Variants in STXBP6 observed in about 807,000 individuals in gnomAD.
STXBP6 encodes the protein syntaxin-binding protein 6.
Under a neutral mutation model 26.9 loss-of-function variants are expected in STXBP6, and 21 were observed. The ratio of observed to expected loss-of-function variants is 0.78; its 90% CI spans 0.55 to 1.12. The LOEUF (loss-of-function observed/expected upper bound fraction) is 1.12, where lower values mean the gene tolerates loss of function less well. Ranked by LOEUF, STXBP6 falls within the 50% of genes most tolerant of loss-of-function variation. The pLI is 0.00. For missense variants in STXBP6, 232 were observed against 257.9 expected, an observed-to-expected ratio of 0.90 and a Z score of 0.69; for synonymous variants, 97 against 92.6, an observed-to-expected ratio of 1.05 and a Z score of -0.27.
chr14:25,030,151 T>C (rs1447882618), intron 1 of STXBP6, among the ~76,000 whole-genome samples: 1 of 152,218 alleles, frequency 6.6e-6, no homozygotes, highest in Non-Finnish European at 1.5e-5. Context: ...GCCAATTAGA[T>C]AGCATTGGGA....
intron 2 of STXBP6, among the ~76,000 whole-genome samples, chr14:24,932,540 A>C (rs767707284): frequency 6.6e-6 from 1 of 152,058 alleles, no homozygotes; most frequent in South Asian, 2.1e-4. Flanking sequence ...AAATAAATAA[A>C]ATAAAAATAT....
intron 2 of STXBP6, among the ~76,000 whole-genome samples, chr14:24,900,193 G>A (rs2071163004): frequency 6.6e-6 from 1 of 152,024 alleles, no homozygotes; most frequent in Non-Finnish European, 1.5e-5. Context: ...TATTTCTGTG[G>A]TCTACAGAGA....
chr14:24,951,612 C>T (rs2073173079), intron 2 of STXBP6, among the ~76,000 whole-genome samples: 1 of 152,100 alleles, frequency 6.6e-6, no homozygotes, highest in Admixed American at 6.6e-5. Flanking sequence ...AAAATATATT[C>T]TCTTACATAG....
At chr14:24,913,343 A>AATGTT in intron 2 of STXBP6, among the ~76,000 whole-genome samples, 2 of 152,340 alleles carry the variant, frequency 1.3e-5, no homozygotes, top group Admixed American at 1.3e-4. Flanking sequence ...GAGGATACTG[A>AATGTT]ATGTTCCTAA....
intron 1 of STXBP6, among the ~76,000 whole-genome samples, chr14:24,999,404 G>A (rs2074691952): frequency 6.6e-6 from 1 of 152,118 alleles, no homozygotes; most frequent in South Asian, 2.1e-4. Flanking sequence ...TCAGAGTGCT[G>A]AAAGAAAAGA....
intron 2 of STXBP6, among the ~76,000 whole-genome samples, chr14:24,883,723 T>C (rs2070459751): frequency 6.6e-6 from 1 of 152,052 alleles, no homozygotes; most frequent in Non-Finnish European, 1.5e-5. Context: ...GTCAGTAGAG[T>C]TTCCACTGTG....
chr14:24,915,314 G>A (rs762728094), intron 2 of STXBP6, among the ~76,000 whole-genome samples: 2 of 152,162 alleles, frequency 1.3e-5, no homozygotes, highest in Non-Finnish European at 2.9e-5. Flanking sequence ...AAGAGCCATA[G>A]TCAAACAGAT....
At chr14:24,857,299 T>A in intron 2 of STXBP6, 142 bp from the exon 3 acceptor site, 1 of 1,043,606 alleles carries the variant, frequency 9.6e-7, no homozygotes, top group Non-Finnish European at 1.4e-6. Context: ...GGAATATGAA[T>A]AAATATGTGT....
At chr14:24,971,914 T>C (rs1028257138) in intron 2 of STXBP6, among the ~76,000 whole-genome samples, 3 of 152,260 alleles carry the variant, frequency 2.0e-5, no homozygotes, top group Admixed American at 2.0e-4. Flanking sequence ...CATAGAATGC[T>C]TGGCACAGAA....
At position 25,000,109 on chromosome 14, in the gene STXBP6, C is replaced by T. The variant is rs564349221; in HGVS notation, c.-32-25259G>A. Among the ~76,000 whole-genome samples the T allele has an allele frequency of 2.2e-3, 330 of 151,836 alleles. 2 individuals carry two copies. The highest frequency in any genetic ancestry group is 3.5e-3 in the Non-Finnish European group (241 of 67,964). The stretch of plus-strand genomic sequence containing the variant: ...ACGGAGTCTTGCTCTACCACCCAGG[C>T]TGGAGTGCAGTGGCAGGATCTCGGC... On this transcript the variant is annotated intron_variant, in intron 1 of 5. Transcript: ENST00000323944.
Position 24,819,187 on chromosome 14 carries a change from G to A in STXBP6, c.459C>T (p.Ser153=). ...NCQSKIMGGN[S]ILHSAADSVT... is the part of the protein sequence containing the mutation. ...CGCTGTCAGCAGCTGAATGGAGGAT[G>A]CTGTTTCCTGAAAGGAGGAGAGCAG... The change falls in exon 5 of 6, where the codon AGC becomes AGT. Residue 153 remains serine, a synonymous_variant. Transcript: ENST00000323944. 4 of 1,614,072 alleles carry A rather than the reference G, an allele frequency of 2.5e-6. No individual in the cohort carries two copies. Among genetic ancestry groups the A allele is most frequent in the Non-Finnish European group, 3.4e-6 (4 of 1,180,018 alleles).
At chr14:24,928,131 G>A (rs140275791) in intron 2 of STXBP6, among the ~76,000 whole-genome samples, 3 of 152,094 alleles carry the variant, frequency 2.0e-5, no homozygotes, top group African/African-American at 4.8e-5. Flanking sequence ...AGCACCCTAC[G>A]AACTTCCTCT....
intron 4 of STXBP6, among the ~76,000 whole-genome samples, chr14:24,855,440 T>C (rs1433245085): frequency 6.6e-6 from 1 of 152,092 alleles, no homozygotes; most frequent in Non-Finnish European, 1.5e-5. Context: ...TGGCTTACTG[T>C]ACTCATCCTA....
intron 5 of STXBP6, chr14:24,817,786 T>G: frequency 3.4e-6 from 1 of 293,938 alleles, no homozygotes; most frequent in Non-Finnish European, 6.6e-6. Context: ...CAGGGCTGTC[T>G]GCATTTTCAG....
Position 24,984,600 on chromosome 14 carries a change from G to T in STXBP6, c.-32-9750C>A, listed in dbSNP as rs146456790. Among the ~76,000 whole-genome samples the T allele has an allele frequency of 2.6e-5, 4 of 152,232 alleles. No homozygotes were observed. The East Asian group carries it at 7.7e-4, about 29-fold the overall frequency. On this transcript the variant is annotated intron_variant, in intron 1 of 5. Coordinates refer to ENST00000323944, the MANE Select transcript of STXBP6 (RefSeq NM_001394410.1). ...TTCCAACTTATCTGATCTCCCCAAG[G>T]GTCAACTTCACGAATTCATGCCAGT... is the stretch of plus-strand genomic sequence containing the variant.
At chr14:24,911,055 T>A (rs1348217553) in intron 2 of STXBP6, among the ~76,000 whole-genome samples, 4 of 152,176 alleles carry the variant, frequency 2.6e-5, no homozygotes, top group Non-Finnish European at 5.9e-5. Flanking sequence ...CTAGGTGCAT[T>A]GGCTCACACC....
chr14:25,026,169 C>T (rs1231984021), intron 1 of STXBP6, among the ~76,000 whole-genome samples: 1 of 152,134 alleles, frequency 6.6e-6, no homozygotes, highest in African/African-American at 2.4e-5. Flanking sequence ...TTATTCTTAT[C>T]AGTAGCCCCC....
At chr14:24,902,041 CT>C (rs1455476201) in intron 2 of STXBP6, among the ~76,000 whole-genome samples, 1 of 152,136 alleles carries the variant, frequency 6.6e-6, no homozygotes, top group Non-Finnish European at 1.5e-5. Context: ...AAAGCATTTA[CT>C]TTTCTTATTA....
At chr14:24,843,256 T>G (rs1281482588) in intron 4 of STXBP6, among the ~76,000 whole-genome samples, 3 of 152,216 alleles carry the variant, frequency 2.0e-5, no homozygotes, top group African/African-American at 4.8e-5. Context: ...TCAGTGTTAT[T>G]AGCATTCACA....
Sources: gnomAD v4.1 joint callset for allele counts (sites outside exome capture counted in the v4.1 genomes callset) on GRCh38, gnomAD v4.1.1 for gene constraint, MANE v1.5 for transcripts, NCBI Gene and HGNC (gene_info 2026-07-23, HGNC 2026-07-21) for gene names.